Variants in FYCO1 observed in about 807,000 individuals in gnomAD.
FYCO1 encodes FYVE and coiled-coil domain autophagy adaptor 1, also known as FYVE and coiled-coil domain-containing protein 1.
In FYCO1, 122 loss-of-function variants were observed where a neutral mutation model predicts 165.1. The ratio of observed to expected loss-of-function variants is 0.74; its 90% CI spans 0.64 to 0.86. FYCO1 has a LOEUF of 0.86. FYCO1 is among the 40% of genes least tolerant of loss of function. FYCO1 has a pLI of 0.00. For missense variants in FYCO1, 1,702 were observed against 1,810.3 expected (o/e 0.94, Z 1.09); for synonymous variants, 648 against 742.5 (o/e 0.87, Z 2.07).
rs142951917 is a variant in FYCO1, at chr3:45,957,393, C to A, written c.3799+1015G>T. ...AACATTTATGCATAACAGAAAAAACCTGATACATTGGACCTCATTAAAATG... is the reference window on the plus strand; with the variant it reads ...AACATTTATGCATAACAGAAAAAACATGATACATTGGACCTCATTAAAATG... On this transcript the variant is annotated intron_variant, in intron 13 of 17. Transcript: ENST00000296137. 4.0e-3 allele frequency among the ~76,000 whole-genome samples: 610 copies of A among 152,266 alleles called. 9 individuals are homozygous for A. The highest frequency in any genetic ancestry group is 0.014 in the African/African-American group (586 of 41,544).
In FYCO1 at chr3:45,973,077, CT is replaced by C. The variant is rs1444259801; in HGVS notation, c.539+10del. ...TTCCTGTCTTTTAAACCAAGCAATC[CT>C]TCAAAGTACCTGGCAAATGTTGGCC... On this transcript the variant is annotated intron_variant, in intron 6 of 17. Coordinates refer to ENST00000296137, the MANE Select transcript of FYCO1 (RefSeq NM_024513.4). 1.9e-6 allele frequency: 3 copies of C among 1,613,992 alleles called. No individual in the cohort carries two copies. In the African/African-American group the frequency reaches 4.0e-5, roughly 22 times the overall value.
At chr3:45,986,683 C>A (rs1226225073) in intron 1 of FYCO1, among the ~76,000 whole-genome samples, 4 of 152,110 alleles carry the variant, frequency 2.6e-5, no homozygotes, top group Non-Finnish European at 4.4e-5. Context: ...AACCTCCCAA[C>A]AAGTGTTGGC....
chr3:45,961,740 T>C (rs1017276434), intron 11 of FYCO1, among the ~76,000 whole-genome samples: 1 of 152,330 alleles, frequency 6.6e-6, no homozygotes, highest in South Asian at 2.1e-4. Flanking sequence ...AGACTGGCCC[T>C]GAGCTGAACA....
intron 14 of FYCO1, among the ~76,000 whole-genome samples, chr3:45,938,468 T>C (rs971452594): frequency 6.6e-6 from 1 of 152,230 alleles, no homozygotes; most frequent in Non-Finnish European, 1.5e-5. Context: ...TGAGGATAAG[T>C]ATTTATGAGG....
intron 14 of FYCO1, among the ~76,000 whole-genome samples, chr3:45,950,870 G>T (rs554019025): frequency 1.3e-5 from 2 of 152,250 alleles, no homozygotes; most frequent in African/African-American, 4.8e-5. Context: ...CAACCCACGC[G>T]CAAGGTGGCT....
At position 45,936,471 on chromosome 3, in the gene FYCO1, G is replaced by A; in HGVS notation, c.4017C>T (p.Cys1339=). The A allele has an allele frequency of 6.2e-7, 1 of 1,613,718 alleles. No homozygotes were observed. Among genetic ancestry groups the A allele is most frequent in the Non-Finnish European group, 8.5e-7 (1 of 1,179,596 alleles). ...DMPVGQDSEI[C]LLKSGELMIK... is the part of the protein sequence containing the mutation. ...ACATCAGTTCTCCAGACTTCAGCAG[G>A]CAGATTTCCGAATCCTGCCCCACGG... The change falls in exon 15 of 18, where the codon TGC becomes TGT. Residue 1339 remains cysteine, a synonymous_variant. Transcript: ENST00000296137.
chr3:45,980,426 A>G (rs1033655182), intron 3 of FYCO1, among the ~76,000 whole-genome samples: 15 of 152,222 alleles, frequency 9.9e-5, no homozygotes, highest in Non-Finnish European at 1.3e-4. Context: ...CGACTTAGGG[A>G]AATAAGATAA....
At chr3:45,949,462 G>A (rs1704854973) in intron 14 of FYCO1, among the ~76,000 whole-genome samples, 1 of 152,150 alleles carries the variant, frequency 6.6e-6, no homozygotes, top group Admixed American at 6.5e-5. Flanking sequence ...GCATTTCCAC[G>A]AGTCCCCATG....
chr3:45,978,390 T>C (rs573806299), intron 4 of FYCO1, among the ~76,000 whole-genome samples: 17 of 152,260 alleles, frequency 1.1e-4, no homozygotes, highest in East Asian at 3.9e-4. Context: ...CACACTAACA[T>C]GGACATTAAA....
At chr3:45,936,342 T>A (rs1480808515) in intron 15 of FYCO1, 106 bp downstream of exon 15, 1 of 765,910 alleles carries the variant, frequency 1.3e-6, no homozygotes, top group Admixed American at 1.8e-5. Context: ...GCCCCACTGG[T>A]ATTAAGTTAG....
At chr3:45,940,581 A>G (rs1368730376) in intron 14 of FYCO1, among the ~76,000 whole-genome samples, 2 of 152,108 alleles carry the variant, frequency 1.3e-5, no homozygotes, top group Admixed American at 6.5e-5. Flanking sequence ...AGAAACATAA[A>G]CCCTGGAACC....
chr3:45,966,987 C>G lies in FYCO1; in HGVS notation c.2347G>C (p.Gly783Arg), dbSNP rs376610174. Residue 783 changes from glycine to arginine, a missense_variant, in exon 8 of 18, where the codon GGG becomes CGG. Gly to Arg is a moderately radical substitution (Grantham distance 125). Coordinates refer to ENST00000296137, the MANE Select transcript of FYCO1 (RefSeq NM_024513.4). ...LSQAQLEVHQGEVQRLQAQVV... is the reference protein window; with the variant it reads ...LSQAQLEVHQREVQRLQAQVV... ...TGAGCCTGCAGCCGTTGGACCTCCCCCTGATGGACTTCCAGCTGCGCCTGA... is the reference window on the plus strand; with the variant it reads ...TGAGCCTGCAGCCGTTGGACCTCCCGCTGATGGACTTCCAGCTGCGCCTGA... 2 of 1,613,250 alleles carry G rather than the reference C, an allele frequency of 1.2e-6. No homozygotes were observed. The highest frequency in any genetic ancestry group is 1.7e-6 in the Non-Finnish European group (2 of 1,180,000).
intron 11 of FYCO1, among the ~76,000 whole-genome samples, chr3:45,961,192 C>T (rs1046108028): frequency 6.6e-5 from 10 of 152,098 alleles, no homozygotes; most frequent in Non-Finnish European, 7.4e-5. Flanking sequence ...CTAAGGCAAT[C>T]GGAAAAATTT....
intron 3 of FYCO1, 67 bp downstream of exon 3, chr3:45,981,502 GA>G: frequency 9.9e-7 from 1 of 1,005,528 alleles, no homozygotes; most frequent in Non-Finnish European, 1.6e-6. Flanking sequence ...CTTGAATGCT[GA>G]TGAGTCACCC....
At chr3:45,923,835 C>A in intron 16 of FYCO1, 70 bp from the exon 17 acceptor site, 1 of 1,048,758 alleles carries the variant, frequency 9.5e-7, no homozygotes, top group Non-Finnish European at 1.5e-6. Context: ...TCAGGGAAGA[C>A]CCTTTATTTT....
intron 14 of FYCO1, among the ~76,000 whole-genome samples, chr3:45,937,991 TTTTG>T: frequency 6.6e-6 from 1 of 152,308 alleles, no homozygotes; most frequent in East Asian, 1.9e-4. Context: ...TCAGGCCTGC[TTTTG>T]TTTGCTTTCA....
At chr3:45,951,481 A>G (rs958254970) in intron 14 of FYCO1, among the ~76,000 whole-genome samples, 1 of 152,178 alleles carries the variant, frequency 6.6e-6, no homozygotes, top group African/African-American at 2.4e-5. Flanking sequence ...CAAGGAGGCC[A>G]TGACTGGGTA....
chr3:45,980,061 G>T (rs1706970048), intron 3 of FYCO1, among the ~76,000 whole-genome samples: 1 of 152,134 alleles, frequency 6.6e-6, no homozygotes, highest in African/African-American at 2.4e-5. Flanking sequence ...TACAAGAAAA[G>T]AGTCTTGGCC....
At chr3:45,957,008 T>C (rs1284415726) in intron 13 of FYCO1, among the ~76,000 whole-genome samples, 1 of 152,206 alleles carries the variant, frequency 6.6e-6, no homozygotes, top group Non-Finnish European at 1.5e-5. Context: ...ATGGTCATCA[T>C]AACAGTTTGG....
Sources: gnomAD v4.1 joint callset for allele counts (sites outside exome capture counted in the v4.1 genomes callset) on GRCh38, gnomAD v4.1.1 for gene constraint, MANE v1.5 for transcripts, NCBI Gene and HGNC (gene_info 2026-07-23, HGNC 2026-07-21) for gene names.